ZNF385B: variants seen among roughly 807,000 people sequenced by gnomAD.
ZNF385B encodes the protein zinc finger protein 533.
Under a neutral mutation model 39.2 loss-of-function variants are expected in ZNF385B, and 23 were observed. The ratio of observed to expected loss-of-function variants is 0.59; its 90% CI spans 0.42 to 0.83. ZNF385B has a LOEUF of 0.83. ZNF385B is among the 40% of genes least tolerant of loss of function. ZNF385B has a pLI of 0.00. For missense variants in ZNF385B, 552 were observed against 598.9 expected, an observed-to-expected ratio of 0.92 and a Z score of 0.82; for synonymous variants, 205 against 222.6, an observed-to-expected ratio of 0.92 and a Z score of 0.70.
chr2:179,579,824 A>C (rs1200842905), intron 3 of ZNF385B, among the ~76,000 whole-genome samples: 1 of 152,150 alleles, frequency 6.6e-6, no homozygotes, highest in Admixed American at 6.5e-5. Flanking sequence ...GCATTATATA[A>C]TTTGATTTTC....
chr2:179,444,873 T>TA lies in ZNF385B; in HGVS notation c.1242+2dup. On this transcript the variant is annotated splice_region_variant and intron_variant, in intron 9 of 9. Transcript: ENST00000410066. ...AACAGGTGAGCAGGTGAGGTAAACT[T>TA]ACTGCTAGAATACTCGGGCTCCGCT... 1 of 1,613,390 alleles carries TA rather than the reference T, an allele frequency of 6.2e-7. No homozygotes were observed. The highest frequency in any genetic ancestry group is 2.2e-5 in the East Asian group (1 of 44,862).
At chr2:179,728,711 T>C (rs1701180044) in intron 3 of ZNF385B, among the ~76,000 whole-genome samples, 1 of 152,148 alleles carries the variant, frequency 6.6e-6, no homozygotes, top group African/African-American at 2.4e-5. Flanking sequence ...AATACTGGTT[T>C]GCAAACTCTA....
chr2:179,696,720 T>C (rs1023542826), intron 3 of ZNF385B, among the ~76,000 whole-genome samples: 1 of 152,072 alleles, frequency 6.6e-6, no homozygotes, highest in African/African-American at 2.4e-5. Flanking sequence ...ACTTTGCATT[T>C]AAAAAAACTA....
At chr2:179,822,386 C>T (rs1297188149) in intron 1 of ZNF385B, among the ~76,000 whole-genome samples, 5 of 152,312 alleles carry the variant, frequency 3.3e-5, no homozygotes, top group African/African-American at 1.2e-4. Flanking sequence ...AGTACTTTAA[C>T]ATTCAAAAAT....
chr2:179,653,871 T>C (rs1254543108), intron 3 of ZNF385B, among the ~76,000 whole-genome samples: 1 of 151,696 alleles, frequency 6.6e-6, no homozygotes, highest in Non-Finnish European at 1.5e-5. Flanking sequence ...AAGGCCACTT[T>C]AATCTTTCTA....
Position 179,766,030 on chromosome 2 carries a change from TCACACA to T in ZNF385B, c.298+3467_298+3472del, listed in dbSNP as rs71029829. 3.3e-3 allele frequency among the ~76,000 whole-genome samples: 462 copies of T among 140,922 alleles called. 2 individuals are homozygous for T. The highest frequency in any genetic ancestry group is 0.011 in the Middle Eastern group (3 of 274). 92.5% of individuals were successfully genotyped at this position (140,922 alleles called of 152,430 possible). On this transcript the variant is annotated intron_variant, in intron 3 of 9. Coordinates refer to ENST00000410066, the MANE Select transcript of ZNF385B (RefSeq NM_152520.6). ...TCCCTTGCTCACTTTGGTACATTGA[TCACACA>T]CACACACACACACACACACACACAC...
chr2:179,627,313 TAACCTGAAGAGAAG>T (rs1690747048), intron 3 of ZNF385B, among the ~76,000 whole-genome samples: 1 of 152,182 alleles, frequency 6.6e-6, no homozygotes, highest in Admixed American at 6.5e-5. Context: ...CCTTCTATTT[TAACCTGAAGAGAAG>T]AAACGATATT....
Position 179,442,897 on chromosome 2 carries a change from T to C in ZNF385B, c.*353A>G, listed in dbSNP as rs1019720383. On this transcript the variant is annotated 3_prime_UTR_variant, in exon 10 of 10. Coordinates refer to ENST00000410066, the MANE Select transcript of ZNF385B (RefSeq NM_152520.6). Reference sequence around the variant, plus strand: ...GTCAGGAAAATATTCCATATTGTTTTAAGCCAGATCATACCCATGGAAAAA... The same window carrying C: ...GTCAGGAAAATATTCCATATTGTTTCAAGCCAGATCATACCCATGGAAAAA... 11 of 335,432 alleles carry C rather than the reference T, an allele frequency of 3.3e-5. No homozygotes were observed. In the Admixed American group the frequency reaches 5.0e-4, roughly 15 times the overall value. The allele number at this position is 335,432 out of a possible 1,614,324, so 20.8% of individuals were successfully genotyped here. A position where few individuals can be genotyped will look rare whatever the true frequency, so the allele number is the denominator to read the frequency against.
chr2:179,586,039 A>T (rs922471595), intron 3 of ZNF385B: 1 of 152,186 alleles, frequency 6.6e-6, no homozygotes, highest in African/African-American at 2.4e-5. Context: ...ATTTTATCTT[A>T]TACTTATATT....
chr2:179,827,652 T>C (rs757167227), intron 1 of ZNF385B, among the ~76,000 whole-genome samples: 12 of 152,258 alleles, frequency 7.9e-5, no homozygotes, highest in Non-Finnish European at 1.5e-4. Context: ...CCTAGGTTCC[T>C]ATCATTAACT....
chr2:179,701,601 A>G (rs1246890782), intron 3 of ZNF385B, among the ~76,000 whole-genome samples: 2 of 152,200 alleles, frequency 1.3e-5, no homozygotes, highest in Non-Finnish European at 2.9e-5. Flanking sequence ...AAATGTCAGT[A>G]TTATTTTCCA....
intron 5 of ZNF385B, among the ~76,000 whole-genome samples, chr2:179,489,623 T>C (rs917116458): frequency 6.6e-6 from 1 of 152,198 alleles, no homozygotes; most frequent in African/African-American, 2.4e-5. Flanking sequence ...TAAAACTGTT[T>C]TTACTATTAC....
intron 1 of ZNF385B, among the ~76,000 whole-genome samples, chr2:179,798,505 C>T (rs1374421108): frequency 2.0e-5 from 3 of 152,108 alleles, no homozygotes; most frequent in African/African-American, 7.2e-5. Context: ...CAACCTCATT[C>T]ATCTTCACTG....
chr2:179,751,364 T>C (rs1249087048), intron 3 of ZNF385B, among the ~76,000 whole-genome samples: 1 of 152,128 alleles, frequency 6.6e-6, no homozygotes, highest in Non-Finnish European at 1.5e-5. Flanking sequence ...ACTATCATAC[T>C]TTCAATATAC....
chr2:179,569,787 A>G (rs1219127613), intron 3 of ZNF385B, among the ~76,000 whole-genome samples: 1 of 152,236 alleles, frequency 6.6e-6, no homozygotes, highest in Non-Finnish European at 1.5e-5. Context: ...ATACAGTCCA[A>G]GAAAGAATTC....
At chr2:179,752,222 A>T (rs356408) in intron 3 of ZNF385B, among the ~76,000 whole-genome samples, 127,121 of 152,070 alleles carry the variant, frequency 0.84, 53,243 homozygotes, top group East Asian at 0.99. Flanking sequence ...GCTGAGAATG[A>T]TGGTTTCCAG....
intron 7 of ZNF385B, 65 bp from the exon 8 acceptor site, chr2:179,445,793 T>C (rs1259934555): frequency 1.4e-6 from 2 of 1,432,114 alleles, no homozygotes; most frequent in Non-Finnish European, 1.8e-6. Flanking sequence ...TTTGTTTTCT[T>C]ATCCTTGAGA....
At chr2:179,649,159 T>C (rs1411045429) in intron 3 of ZNF385B, among the ~76,000 whole-genome samples, 1 of 151,996 alleles carries the variant, frequency 6.6e-6, no homozygotes, top group Non-Finnish European at 1.5e-5. Flanking sequence ...AAACACAAAC[T>C]GGGCAGTAAT....
chr2:179,814,393 T>A, intron 1 of ZNF385B: 1 of 402,842 alleles, frequency 2.5e-6, no homozygotes, highest in South Asian at 2.0e-5. Flanking sequence ...TTGTACAGCA[T>A]CATTGAGAAG....
Sources: gnomAD v4.1 joint callset for allele counts (sites outside exome capture counted in the v4.1 genomes callset) on GRCh38, gnomAD v4.1.1 for gene constraint, MANE v1.5 for transcripts, NCBI Gene and HGNC (gene_info 2026-07-23, HGNC 2026-07-21) for gene names.